Variants in PTPN9 observed in about 807,000 individuals in gnomAD.
PTPN9 encodes the protein protein tyrosine phosphatase non-receptor type 9, also known as tyrosine-protein phosphatase non-receptor type 9.
PTPN9 carries 26 observed loss-of-function variants against 69.8 expected under a neutral mutation model. The observed-to-expected ratio is 0.37, with a 90% CI of 0.27 to 0.52. The LOEUF is 0.52. PTPN9 is among the 20% of genes least tolerant of loss of function. PTPN9 has a pLI of 0.91. For synonymous variants in PTPN9, 274 were observed against 272.5 expected (o/e 1.01, Z -0.05); for missense variants, 549 against 740.3 (o/e 0.74, Z 3.00).
intron 1 of PTPN9, among the ~76,000 whole-genome samples, chr15:75,540,468 G>A (rs755845470): frequency 1.1e-4 from 17 of 150,046 alleles, no homozygotes; most frequent in Admixed American, 6.7e-5. Flanking sequence ...CAGGAGAATC[G>A]CTTAAACCCA....
chr15:75,560,759 A>C (rs1464609753), intron 1 of PTPN9, among the ~76,000 whole-genome samples: 2 of 152,142 alleles, frequency 1.3e-5, no homozygotes, highest in Non-Finnish European at 2.9e-5. Flanking sequence ...GGTGGCTCAC[A>C]CCTGTAATCC....
At chr15:75,497,273 T>G (rs2074747915) in intron 7 of PTPN9, among the ~76,000 whole-genome samples, 1 of 152,112 alleles carries the variant, frequency 6.6e-6, no homozygotes, top group Non-Finnish European at 1.5e-5. Flanking sequence ...GAGAATCACT[T>G]GAGCCCAGGA....
At chr15:75,482,017 G>C (rs1247876867) in intron 8 of PTPN9, among the ~76,000 whole-genome samples, 1 of 145,676 alleles carries the variant, frequency 6.9e-6, no homozygotes, top group East Asian at 2.1e-4. Flanking sequence ...GAATAGAAAG[G>C]GGGGAAAGGT....
chr15:75,530,139 G>T (rs1055694550), intron 1 of PTPN9, among the ~76,000 whole-genome samples: 1 of 144,248 alleles, frequency 6.9e-6, no homozygotes, highest in Non-Finnish European at 1.5e-5. Context: ...AGGTGGGGTT[G>T]TAGTGAGCCA....
chr15:75,483,876 T>C (rs2074658557), intron 8 of PTPN9, among the ~76,000 whole-genome samples: 2 of 152,176 alleles, frequency 1.3e-5, no homozygotes, highest in East Asian at 3.8e-4. Flanking sequence ...CAAGTGTTTC[T>C]TGTAGTTAGG....
At chr15:75,544,363 T>C (rs866149109) in intron 1 of PTPN9, among the ~76,000 whole-genome samples, 2 of 151,984 alleles carry the variant, frequency 1.3e-5, no homozygotes, top group Non-Finnish European at 2.9e-5. Context: ...GGTTATCCAA[T>C]CTCCACAACA....
chr15:75,476,296 C>T (rs2074595725), intron 9 of PTPN9, among the ~76,000 whole-genome samples: 1 of 152,130 alleles, frequency 6.6e-6, no homozygotes. Context: ...AGAAAGAGCA[C>T]ATTTGGTTAA....
Position 75,468,831 on chromosome 15 carries a change from AC to A in PTPN9, c.1719del (p.Glu573AspfsTer42). On this transcript the variant is annotated frameshift_variant, in exon 13 of 13. Coordinates refer to ENST00000618819, the MANE Select transcript of PTPN9 (RefSeq NM_002833.4). LOFTEE classifies it high-confidence loss of function. ...GATACCATGCCCTCCTTCTCTGCGA[AC>A]TCCAGGATGGCCTTGTAGCAAAAAT... Reference protein sequence around the residue: ...QYYFCYKAILEFAEKEGMVSS... With the variant: ...QYYFCYKAILXFAEKEGMVSS... 6.2e-7 allele frequency: 1 copy of A among 1,613,962 alleles called. No individual in the cohort carries two copies.
chr15:75,529,376 T>C (rs1231850971), intron 1 of PTPN9, among the ~76,000 whole-genome samples: 3 of 152,172 alleles, frequency 2.0e-5, no homozygotes, highest in Non-Finnish European at 4.4e-5. Flanking sequence ...CTCAGCTGTT[T>C]GTCTGCAATA....
intron 1 of PTPN9, among the ~76,000 whole-genome samples, chr15:75,558,596 C>G (rs950479814): frequency 1.3e-5 from 2 of 152,190 alleles, no homozygotes; most frequent in African/African-American, 2.4e-5. Flanking sequence ...CTGGACTGTA[C>G]TGCTGCCATC....
intron 7 of PTPN9, among the ~76,000 whole-genome samples, chr15:75,502,729 T>A (rs1013611885): frequency 2.6e-5 from 4 of 152,116 alleles, no homozygotes; most frequent in Non-Finnish European, 5.9e-5. Flanking sequence ...AGTAATGTTA[T>A]ACCATAAATG....
chr15:75,493,812 G>A (rs1208503280), intron 7 of PTPN9, among the ~76,000 whole-genome samples: 1 of 151,772 alleles, frequency 6.6e-6, no homozygotes, highest in Non-Finnish European at 1.5e-5. Flanking sequence ...GATGAAGAAA[G>A]TTAAGAGAAT....
intron 1 of PTPN9, among the ~76,000 whole-genome samples, chr15:75,541,225 C>G (rs2075007010): frequency 6.6e-6 from 1 of 150,890 alleles, no homozygotes; most frequent in Non-Finnish European, 1.5e-5. Flanking sequence ...GTAGCTGGAA[C>G]TACAGGTGTG....
At chr15:75,529,011 T>C (rs2074943263) in intron 1 of PTPN9, among the ~76,000 whole-genome samples, 1 of 151,078 alleles carries the variant, frequency 6.6e-6, no homozygotes, top group Non-Finnish European at 1.5e-5. Flanking sequence ...TTTTTTTAGA[T>C]AGTCTCACTC....
intron 1 of PTPN9, among the ~76,000 whole-genome samples, chr15:75,564,057 A>G (rs943232901): frequency 5.9e-5 from 9 of 152,052 alleles, no homozygotes; most frequent in African/African-American, 2.2e-4. Context: ...CACAATATGT[A>G]TAATTATTAT....
intron 7 of PTPN9, among the ~76,000 whole-genome samples, chr15:75,495,389 C>T (rs1006364145): frequency 1.3e-5 from 2 of 152,068 alleles, no homozygotes; most frequent in Non-Finnish European, 2.9e-5. Context: ...AATGATAACA[C>T]TGTAAAATAA....
intron 1 of PTPN9, among the ~76,000 whole-genome samples, chr15:75,572,842 C>G (rs2075155171): frequency 6.6e-6 from 1 of 152,190 alleles, no homozygotes; most frequent in African/African-American, 2.4e-5. Flanking sequence ...GTTGACAACT[C>G]TGTTTTAAGG....
chr15:75,470,469 A>AT (rs2074558172), intron 11 of PTPN9, among the ~76,000 whole-genome samples: 1 of 152,212 alleles, frequency 6.6e-6, no homozygotes, highest in African/African-American at 2.4e-5. Context: ...GATTTCTAAA[A>AT]TTATAAGCTT....
At chr15:75,572,945 T>C (rs1327785605) in intron 1 of PTPN9, among the ~76,000 whole-genome samples, 1 of 152,164 alleles carries the variant, frequency 6.6e-6, no homozygotes, top group East Asian at 1.9e-4. Flanking sequence ...AGTAAAGGTT[T>C]TCTGTATCTT....
Sources: allele counts gnomAD v4.1 joint callset (sites outside exome capture counted in the v4.1 genomes callset), GRCh38; gene constraint gnomAD v4.1.1; transcripts MANE v1.5; gene names NCBI Gene and HGNC (gene_info 2026-07-23, HGNC 2026-07-21).